The following DKK2 variants were observed in gnomAD, a reference collection of about 807,000 sequenced individuals.
DKK2 encodes the protein dickkopf-related protein 2.
In DKK2, 11 loss-of-function variants were observed where a neutral mutation model predicts 28.1. That is an observed-to-expected ratio of 0.39 (90% confidence interval 0.25 to 0.65). The LOEUF is 0.65. Ranked by LOEUF, DKK2 falls within the 30% of genes least tolerant of loss-of-function variation. DKK2 has a pLI of 0.47. For missense variants in DKK2, 326 were observed against 335.5 expected (o/e 0.97, Z 0.22); for synonymous variants, 135 against 126.5 (o/e 1.07, Z -0.45).
intron 1 of DKK2, among the ~76,000 whole-genome samples, chr4:106,953,660 C>G (rs1441066201): frequency 6.6e-6 from 1 of 152,102 alleles, no homozygotes; most frequent in Non-Finnish European, 1.5e-5. Flanking sequence ...TACTTTTTTT[C>G]TGTGTCAATT....
intron 1 of DKK2, among the ~76,000 whole-genome samples, chr4:106,955,120 T>A (rs115051436): frequency 0.025 from 3,802 of 152,258 alleles, 62 homozygotes; most frequent in Non-Finnish European, 0.037. Flanking sequence ...CATAATGTAC[T>A]ATAATTTAAT....
intron 1 of DKK2, among the ~76,000 whole-genome samples, chr4:106,986,352 G>A (rs1723120458): frequency 6.6e-6 from 1 of 152,044 alleles, no homozygotes; most frequent in East Asian, 1.9e-4. Context: ...AATTGTTTGA[G>A]GACTTGCTTT....
intron 1 of DKK2, among the ~76,000 whole-genome samples, chr4:106,947,825 C>A (rs1028856240): frequency 3.3e-5 from 5 of 151,928 alleles, no homozygotes; most frequent in Admixed American, 6.6e-5. Context: ...CAGGTGTATA[C>A]CACCATGCCT....
intron 1 of DKK2, among the ~76,000 whole-genome samples, chr4:107,023,780 G>A (rs963700908): frequency 9.2e-5 from 14 of 151,976 alleles, no homozygotes; most frequent in African/African-American, 3.4e-4. Context: ...ACTATTTTTC[G>A]AAACTAAAAC....
intron 1 of DKK2, among the ~76,000 whole-genome samples, chr4:107,018,936 A>G (rs1253032504): frequency 2.6e-5 from 4 of 152,078 alleles, no homozygotes. Flanking sequence ...ACCTTTCAGT[A>G]ACTACTAGTA....
chr4:106,926,093 C>T (rs1014911604), intron 1 of DKK2, 144 bp from the exon 2 acceptor site: 2 of 875,668 alleles, frequency 2.3e-6, no homozygotes, highest in Non-Finnish European at 3.3e-6. Context: ...ATGTTCTGAA[C>T]CTAGAGCCTA....
intron 1 of DKK2, among the ~76,000 whole-genome samples, chr4:107,010,874 A>T (rs949958252): frequency 5.3e-5 from 8 of 151,104 alleles, no homozygotes; most frequent in Non-Finnish European, 1.5e-5. Flanking sequence ...AAACCCATAG[A>T]TATTAATATA....
At chr4:106,943,883 T>A (rs1724738258) in intron 1 of DKK2, among the ~76,000 whole-genome samples, 1 of 152,088 alleles carries the variant, frequency 6.6e-6, no homozygotes, top group Admixed American at 6.6e-5. Context: ...GCCTATGGCA[T>A]GTGGGAGCTA....
At chr4:106,984,388 T>A (rs533433478) in intron 1 of DKK2, among the ~76,000 whole-genome samples, 16 of 152,324 alleles carry the variant, frequency 1.1e-4, no homozygotes, top group Non-Finnish European at 1.8e-4. Flanking sequence ...TTCTATTTTC[T>A]GTCTCTATAA....
At chr4:106,927,191 A>G (rs1255010273) in intron 1 of DKK2, among the ~76,000 whole-genome samples, 1 of 152,186 alleles carries the variant, frequency 6.6e-6, no homozygotes, top group African/African-American at 2.4e-5. Context: ...TGCTTTACTT[A>G]TGAATTAGGT....
intron 1 of DKK2, among the ~76,000 whole-genome samples, chr4:107,035,123 G>A (rs1043223523): frequency 2.0e-5 from 3 of 152,066 alleles, no homozygotes; most frequent in South Asian, 2.1e-4. Flanking sequence ...ATCTTGATAT[G>A]TGCCCACGCC....
intron 1 of DKK2, among the ~76,000 whole-genome samples, chr4:107,009,737 C>T (rs940258552): frequency 3.3e-5 from 5 of 151,808 alleles, no homozygotes; most frequent in African/African-American, 1.2e-4. Context: ...ATAAAATACA[C>T]AAGCCCTCAC....
chr4:107,035,667 C>A lies in DKK2; in HGVS notation c.-76G>T. On this transcript the variant is annotated 5_prime_UTR_variant, in exon 1 of 4. Transcript: ENST00000285311. ...TGCAAAGGGAGGGAGGACCCCAACA[C>A]GGGGCCCCTCACTTGGGTCGCGGGG... The A allele has an allele frequency of 2.6e-6, 4 of 1,522,030 alleles. 1 individual carries two copies. The South Asian group carries it at 4.6e-5, about 17-fold the overall frequency. The allele number at this position is 1,522,030 out of a possible 1,614,324, so 94.3% of individuals were successfully genotyped here.
At chr4:107,032,971 T>C (rs989922154) in intron 1 of DKK2, among the ~76,000 whole-genome samples, 2 of 152,106 alleles carry the variant, frequency 1.3e-5, no homozygotes, top group African/African-American at 4.8e-5. Context: ...GGTGACCACA[T>C]AACTATAGAA....
At chr4:106,945,081 C>T (rs572116701) in intron 1 of DKK2, among the ~76,000 whole-genome samples, 1 of 152,092 alleles carries the variant, frequency 6.6e-6, no homozygotes, top group Admixed American at 6.6e-5. Flanking sequence ...CTTCATCTTC[C>T]CTTCTAGAGC....
At chr4:106,943,442 G>A (rs17509734) in intron 1 of DKK2, among the ~76,000 whole-genome samples, 3,658 of 152,174 alleles carry the variant, frequency 0.024, 61 homozygotes, top group Non-Finnish European at 0.036. Context: ...ACTCAATTAA[G>A]AACCCATCAG....
chr4:107,002,097 T>A (rs1408311960), intron 1 of DKK2, among the ~76,000 whole-genome samples: 1 of 152,210 alleles, frequency 6.6e-6, no homozygotes, highest in East Asian at 1.9e-4. Flanking sequence ...CTTTGGTATA[T>A]AATGACTTTT....
chr4:106,954,374 C>A (rs1398384145), intron 1 of DKK2, among the ~76,000 whole-genome samples: 4 of 151,874 alleles, frequency 2.6e-5, no homozygotes, highest in Admixed American at 2.0e-4. Context: ...TATATACTAT[C>A]AAAAATTTTA....
intron 1 of DKK2, among the ~76,000 whole-genome samples, chr4:106,997,605 A>C (rs1377748919): frequency 1.3e-5 from 2 of 152,162 alleles, no homozygotes; most frequent in Non-Finnish European, 2.9e-5. Flanking sequence ...ACTTCCTTGC[A>C]ATTTCATCCA....
Sources: gnomAD v4.1 joint callset for allele counts (sites outside exome capture counted in the v4.1 genomes callset) on GRCh38, gnomAD v4.1.1 for gene constraint, MANE v1.5 for transcripts, NCBI Gene and HGNC (gene_info 2026-07-23, HGNC 2026-07-21) for gene names.